KIAA0319: variants seen among roughly 807,000 people sequenced by gnomAD.
KIAA0319 encodes dyslexia-associated protein KIAA0319.
A neutral mutation model predicts 108.4 loss-of-function variants in KIAA0319; 83 were observed. The ratio of observed to expected loss-of-function variants is 0.77; its 90% confidence interval spans 0.64 to 0.92. The LOEUF (loss-of-function observed/expected upper bound fraction) is 0.92. Among genes scored for constraint, KIAA0319 ranks in the 40% least tolerant of loss-of-function variants. The probability of loss-of-function intolerance (pLI) is 0.00; values close to 1 mark genes in which losing one functional copy is unlikely to be tolerated. For synonymous variants in KIAA0319, 484 were observed against 510.4 expected (o/e 0.95, Z 0.70); for missense variants, 1,195 against 1,322.4 (o/e 0.90, Z 1.49).
At chr6:24,590,186 T>A (rs1768246750) in intron 3 of KIAA0319, among the ~76,000 whole-genome samples, 1 of 152,110 alleles carries the variant, frequency 6.6e-6, no homozygotes, top group African/African-American at 2.4e-5. Flanking sequence ...CATTTTGTGC[T>A]TGGAGGTGTG....
chr6:24,572,770 G>T, intron 10 of KIAA0319, 72 bp from the exon 11 acceptor site: 1 of 1,365,696 alleles, frequency 7.3e-7, no homozygotes, highest in South Asian at 1.4e-5. Flanking sequence ...TAAATAGTAT[G>T]ACAGAATGAA....
chr6:24,567,989 C>A (rs1764135646), intron 13 of KIAA0319, among the ~76,000 whole-genome samples: 1 of 152,202 alleles, frequency 6.6e-6, no homozygotes, highest in Admixed American at 6.5e-5. Context: ...ACAATAAAAT[C>A]TTTTGAAAAA....
intron 4 of KIAA0319, 46 bp from the exon 5 acceptor site, chr6:24,583,748 T>C: frequency 8.3e-7 from 1 of 1,201,488 alleles, no homozygotes; most frequent in Non-Finnish European, 1.2e-6. Flanking sequence ...TAATATAATG[T>C]GTTACATTAC....
At chr6:24,644,698 C>A (rs1453844364) in intron 1 of KIAA0319, among the ~76,000 whole-genome samples, 1 of 151,192 alleles carries the variant, frequency 6.6e-6, no homozygotes, top group Non-Finnish European at 1.5e-5. Context: ...ATTTTTAATT[C>A]ATAAAGATTT....
chr6:24,556,870 T>A lies in KIAA0319; in HGVS notation c.2735-141A>T, dbSNP rs1762371125. The stretch of plus-strand genomic sequence containing the variant: ...GAGCCTCTTACAGTGTGGACAGGGG[T>A]TCTGGAGATAGTCTCTCATCACTGA... On this transcript the variant is annotated intron_variant, in intron 17 of 20. Coordinates refer to ENST00000378214, the MANE Select transcript of KIAA0319 (RefSeq NM_014809.4). 3.1e-6 allele frequency: 3 copies of A among 967,346 alleles called. No homozygotes were observed. In the Admixed American group the frequency reaches 9.5e-5, roughly 31 times the overall value. The allele number at this position is 967,346 out of a possible 1,614,324, so 59.9% of individuals were successfully genotyped here.
Position 24,554,620 on chromosome 6 carries a change from A to G in KIAA0319, c.2869T>C (p.Phe957Leu), listed in dbSNP as rs1762039573. 7 of 1,612,828 alleles carry G rather than the reference A, an allele frequency of 4.3e-6. No homozygotes were observed. The highest frequency in any genetic ancestry group is 4.2e-6 in the Non-Finnish European group (5 of 1,179,174). ...DGESNCEWSI[F>L]YVTVLAFTLI... ...GTAAAAGCCAACACTGTCACATAGA[A>G]TATACTCCACTCTGAAACACAAGAA... is the stretch of plus-strand genomic sequence containing the variant. The change falls in exon 19 of 21, where the codon TTC becomes CTC. Residue 957 changes from phenylalanine (F) to leucine (L), a missense_variant. Transcript: ENST00000378214.
intron 1 of KIAA0319, among the ~76,000 whole-genome samples, chr6:24,628,292 G>A (rs1160336604): frequency 2.6e-5 from 4 of 151,648 alleles, no homozygotes; most frequent in African/African-American, 4.8e-5. Context: ...TTTGCTTTCC[G>A]TTCAATAATT....
At chr6:24,572,088 C>T (rs1561962278) in intron 11 of KIAA0319, among the ~76,000 whole-genome samples, 2 of 152,202 alleles carry the variant, frequency 1.3e-5, no homozygotes, top group Non-Finnish European at 2.9e-5. Context: ...GGTTCTTGGA[C>T]TAACAGAACT....
At chr6:24,563,234 T>G in intron 16 of KIAA0319, 125 bp downstream of exon 16, 1 of 1,047,174 alleles carries the variant, frequency 9.5e-7, no homozygotes. Context: ...AGTATATGAA[T>G]GGGATAAAAG....
chr6:24,580,704 G>C (rs1326038424), intron 7 of KIAA0319, among the ~76,000 whole-genome samples: 1 of 152,054 alleles, frequency 6.6e-6, no homozygotes, highest in African/African-American at 2.4e-5. Context: ...CACCATTCGA[G>C]AGCAGCCAGC....
chr6:24,575,961 C>A (rs1489480679), intron 10 of KIAA0319, among the ~76,000 whole-genome samples: 1 of 152,024 alleles, frequency 6.6e-6, no homozygotes, highest in Non-Finnish European at 1.5e-5. Flanking sequence ...TCCTAAAAAG[C>A]GACCAGTGGA....
Position 24,599,146 on chromosome 6 carries a change from C to T in KIAA0319, c.55+1903G>A. 1 of 622,886 alleles carries T rather than the reference C, an allele frequency of 1.6e-6. No homozygotes were observed. The highest frequency in any genetic ancestry group is 2.4e-5 in the Admixed American group (1 of 42,396). The allele number at this position is 622,886 out of a possible 1,614,324, so 38.6% of individuals were successfully genotyped here. A position where few individuals can be genotyped will look rare whatever the true frequency, so the allele number is the denominator to read the frequency against. On this transcript the variant is annotated intron_variant, in intron 2 of 20. Transcript: ENST00000378214. This position sits in a 1 kb window ranked among gnomAD's most constrained non-coding sequence, Gnocchi z 4.1. ...GACAGCATCATTGCTGAGGTCAAGG[C>T]CCAGTACAAGGAGATCACCAACTGT...
At chr6:24,598,480 C>A in intron 2 of KIAA0319, 1 of 492,892 alleles carries the variant, frequency 2.0e-6, no homozygotes, top group South Asian at 1.7e-5. Flanking sequence ...ATGGCAGCAG[C>A]TGGACATGCT....
At chr6:24,551,826 C>T (rs965420235) in intron 19 of KIAA0319, among the ~76,000 whole-genome samples, 1 of 152,196 alleles carries the variant, frequency 6.6e-6, no homozygotes, top group Non-Finnish European at 1.5e-5. Context: ...CCAGGGAGCT[C>T]TTCTTCCTGA....
chr6:24,574,046 T>C (rs1482936535), intron 10 of KIAA0319, among the ~76,000 whole-genome samples: 2 of 152,028 alleles, frequency 1.3e-5, no homozygotes, highest in African/African-American at 2.4e-5. Flanking sequence ...ACTCAGGGGG[T>C]GGAGGTTGCA....
At chr6:24,581,225 T>G (rs1445572106) in intron 6 of KIAA0319, among the ~76,000 whole-genome samples, 1 of 152,176 alleles carries the variant, frequency 6.6e-6, no homozygotes, top group Non-Finnish European at 1.5e-5. Flanking sequence ...GGCCTTTAGC[T>G]TCGCTGCAGA....
intron 3 of KIAA0319, among the ~76,000 whole-genome samples, chr6:24,589,536 G>A (rs551974886): frequency 9.6e-4 from 140 of 146,154 alleles, no homozygotes; most frequent in African/African-American, 3.2e-3. Flanking sequence ...TGCTGTTCTC[G>A]TGATAGTGAG....
At position 24,613,021 on chromosome 6, in the gene KIAA0319, G is replaced by A. The variant is rs182068121; in HGVS notation, c.-105-11813C>T. Among the ~76,000 whole-genome samples, 665 of 152,254 alleles carry A rather than the reference G, an allele frequency of 4.4e-3. 9 individuals are homozygous for A. Among genetic ancestry groups the A allele is most frequent in the Middle Eastern group, 0.02 (6 of 294 alleles). ...TCACCACGTTAGCCAGGATGGTCTCGATCTCCTGACCTGGTGATCCGCCCG... is the reference window on the plus strand; with the variant it reads ...TCACCACGTTAGCCAGGATGGTCTCAATCTCCTGACCTGGTGATCCGCCCG... On this transcript the variant is annotated intron_variant, in intron 1 of 20. Transcript: ENST00000378214.
downstream of KIAA0319, among the ~76,000 whole-genome samples, chr6:24,543,055 C>T (rs1211100046): frequency 6.6e-6 from 1 of 152,210 alleles, no homozygotes; most frequent in Non-Finnish European, 1.5e-5. Context: ...TTGTTTTACA[C>T]AGAAGACCAT....
Sources: gnomAD v4.1 joint callset for allele counts (sites outside exome capture counted in the v4.1 genomes callset) on GRCh38, gnomAD v4.1.1 for gene constraint, Gnocchi (gnomAD v3.1) non-coding constraint, MANE v1.5 for transcripts, NCBI Gene and HGNC (gene_info 2026-07-23, HGNC 2026-07-21) for gene names.